CFAP61: variants seen among roughly 807,000 people sequenced by gnomAD.
The protein encoded by CFAP61 is cilia and flagella associated protein 61.
A neutral mutation model predicts 135.6 loss-of-function variants in CFAP61; 107 were observed. The observed-to-expected ratio is 0.79, with a 90% confidence interval of 0.67 to 0.93. The LOEUF (loss-of-function observed/expected upper bound fraction) is 0.93. CFAP61 is among the 40% of genes least tolerant of loss of function. The pLI is 0.00. For synonymous variants in CFAP61, 575 were observed against 578.5 expected, an observed-to-expected ratio of 0.99 and a Z score of 0.09; for missense variants, 1,507 against 1,556.2, an observed-to-expected ratio of 0.97 and a Z score of 0.53.
intron 13 of CFAP61, among the ~76,000 whole-genome samples, chr20:20,169,708 T>C (rs1019531492): frequency 1.3e-5 from 2 of 152,174 alleles, no homozygotes; most frequent in Non-Finnish European, 2.9e-5. Flanking sequence ...TGTTGACAGA[T>C]TCTGTAGGCA....
chr20:20,187,405 C>T lies in CFAP61; in HGVS notation c.1386-525C>T, dbSNP rs143210984. The stretch of plus-strand genomic sequence containing the variant: ...TCACACGTGAGCAGAGGCTCCAAGG[C>T]CCCTGACGTGCTCCATTGTGTCACT... On this transcript the variant is annotated intron_variant, in intron 13 of 26. Coordinates refer to ENST00000245957, the MANE Select transcript of CFAP61 (RefSeq NM_015585.4). Among the ~76,000 whole-genome samples, 849 of 152,298 alleles carry T rather than the reference C, an allele frequency of 5.6e-3. 11 individuals carry two copies. Among genetic ancestry groups the T allele is most frequent in the African/African-American group, 0.019 (772 of 41,568 alleles).
At chr20:20,099,127 T>TCACACACA (rs11087302) in intron 8 of CFAP61, among the ~76,000 whole-genome samples, 17,478 of 149,330 alleles carry the variant, frequency 0.12, 1,849 homozygotes, top group East Asian at 0.61. Context: ...GTTTCAGGTT[T>TCACACACA]CACACACACA....
chr20:20,166,203 T>G (rs2053815181), intron 11 of CFAP61, among the ~76,000 whole-genome samples, 194 bp from the exon 12 acceptor site: 1 of 152,238 alleles, frequency 6.6e-6, no homozygotes, highest in South Asian at 2.1e-4. Context: ...GTGCCTTCAG[T>G]TCTGCAGAAT....
At position 20,084,883 on chromosome 20, in the gene CFAP61, A is replaced by G. The variant is rs114921836; in HGVS notation, c.567-5961A>G. Among the ~76,000 whole-genome samples the G allele has an allele frequency of 6.6e-3, 1,006 of 152,260 alleles. 13 individuals are homozygous for G. Among genetic ancestry groups the G allele is most frequent in the African/African-American group, 0.023 (944 of 41,542 alleles). ...TGTGTTCAACTCCATTTCACATGGC[A>G]CAGTTTTCAGAGTCTGATGGAAATC... is the stretch of plus-strand genomic sequence containing the variant. On this transcript the variant is annotated intron_variant, in intron 6 of 26. Coordinates refer to ENST00000245957, the MANE Select transcript of CFAP61 (RefSeq NM_015585.4).
At chr20:20,084,401 CCTGCTGCTGCTGCTGCTGCTGCTG>C (rs3060422) in intron 6 of CFAP61, among the ~76,000 whole-genome samples, 5 of 150,690 alleles carry the variant, frequency 3.3e-5, no homozygotes, top group African/African-American at 1.2e-4. Flanking sequence ...GCGGAGGTGG[CCTGCTGCTGCTGCTGCTGCTGCTG>C]CTGCTGCTGC....
In CFAP61 at chr20:20,052,554, CA is replaced by C. The variant is rs777682651; in HGVS notation, c.-73del. On this transcript the variant is annotated 5_prime_UTR_variant, in exon 1 of 27. Coordinates refer to ENST00000245957, the MANE Select transcript of CFAP61 (RefSeq NM_015585.4). ...ACCAGGCTGCGCGTCCTCCTTGCGG[CA>C]GCGCGTGGAGTGCGGCGTCCTGGAG... The C allele has an allele frequency of 1.6e-5, 26 of 1,614,050 alleles. No individual in the cohort carries two copies. The highest frequency in any genetic ancestry group is 2.2e-5 in the Non-Finnish European group (26 of 1,180,034).
intron 21 of CFAP61, among the ~76,000 whole-genome samples, chr20:20,275,309 G>A (rs1380614071): frequency 1.3e-5 from 2 of 152,094 alleles, no homozygotes; most frequent in Non-Finnish European, 2.9e-5. Flanking sequence ...GTTTTGACGT[G>A]GTTTGCTATG....
At position 20,098,664 on chromosome 20, in the gene CFAP61, A is replaced by G. The variant is rs776099398; in HGVS notation, c.709A>G (p.Thr237Ala). The G allele has an allele frequency of 1.3e-6, 2 of 1,594,828 alleles. No individual in the cohort carries two copies. Among genetic ancestry groups the G allele is most frequent in the East Asian group, 2.2e-5 (1 of 44,584 alleles). Residue 237 changes from threonine (T) to alanine (A), a missense_variant, in exon 8 of 27, where the codon ACA becomes GCA. Coordinates refer to ENST00000245957, the MANE Select transcript of CFAP61 (RefSeq NM_015585.4). ...NHAVVCEVEG[T>A]AVGFMSVCSR... ...GTTTTGGATATTTCAGGTGGAAGGC[A>G]CAGCTGTTGGGTTCATGAGTGTGTG... is the stretch of plus-strand genomic sequence containing the variant.
chr20:20,327,901 G>A (rs1239092176), intron 25 of CFAP61, among the ~76,000 whole-genome samples: 1 of 150,316 alleles, frequency 6.7e-6, no homozygotes, highest in Non-Finnish European at 1.5e-5. Context: ...TGAGTAACAT[G>A]AATTGCTGGG....
chr20:20,075,404 T>G lies in CFAP61; in HGVS notation c.440-85T>G. 4.6e-6 allele frequency: 7 copies of G among 1,524,880 alleles called. No homozygotes were observed. The South Asian group carries it at 7.9e-5, about 17-fold the overall frequency. 94.5% of individuals were successfully genotyped at this position (1,524,880 alleles called of 1,614,324 possible). On this transcript the variant is annotated intron_variant, in intron 5 of 26. Coordinates refer to ENST00000245957, the MANE Select transcript of CFAP61 (RefSeq NM_015585.4). ...TTTTATTAGAACAATTAAGCACAAT[T>G]TAGAATGGAAACTACATTTTGTTCT...
chr20:20,208,786 G>A (rs1302333140), intron 17 of CFAP61, among the ~76,000 whole-genome samples: 1 of 152,204 alleles, frequency 6.6e-6, no homozygotes, highest in African/African-American at 2.4e-5. Context: ...GGGTCAGCAG[G>A]TTCTGCCCGT....
At chr20:20,320,107 A>C (rs559843107) in intron 25 of CFAP61, among the ~76,000 whole-genome samples, 2 of 151,574 alleles carry the variant, frequency 1.3e-5, no homozygotes, top group Non-Finnish European at 2.9e-5. Context: ...TCAACAAATA[A>C]ATTGCAAGAA....
At chr20:20,166,333 TA>T in intron 11 of CFAP61, 63 bp from the exon 12 acceptor site, 1 of 1,377,054 alleles carries the variant, frequency 7.3e-7, no homozygotes, top group Non-Finnish European at 1.0e-6. Flanking sequence ...TAAATCTCTG[TA>T]AACGTCCACT....
intron 14 of CFAP61, among the ~76,000 whole-genome samples, chr20:20,191,114 A>C (rs1475374378): frequency 6.6e-6 from 1 of 151,754 alleles, no homozygotes; most frequent in African/African-American, 2.4e-5. Context: ...ACTCCATCTC[A>C]AAAAAAATAA....
chr20:20,195,852 G>A (rs1473679190), intron 15 of CFAP61, among the ~76,000 whole-genome samples: 1 of 152,154 alleles, frequency 6.6e-6, no homozygotes, highest in African/African-American at 2.4e-5. Context: ...GCCGAGACAG[G>A]CAGATCACTT....
chr20:20,137,628 G>A (rs1470078402), intron 8 of CFAP61, among the ~76,000 whole-genome samples: 1 of 152,064 alleles, frequency 6.6e-6, no homozygotes, highest in Non-Finnish European at 1.5e-5. Flanking sequence ...TCAGGCCTGG[G>A]ACTCATCCTT....
At chr20:20,124,347 C>T (rs1230871242) in intron 8 of CFAP61, among the ~76,000 whole-genome samples, 2 of 151,636 alleles carry the variant, frequency 1.3e-5, no homozygotes, top group African/African-American at 4.9e-5. Flanking sequence ...TCAACTTTTC[C>T]CCATTCAATA....
At chr20:20,064,034 C>CA (rs1568808875) in intron 2 of CFAP61, among the ~76,000 whole-genome samples, 1 of 122,490 alleles carries the variant, frequency 8.2e-6, no homozygotes, top group East Asian at 2.6e-4. Flanking sequence ...ATAGAGTAAC[C>CA]GCCCCCCACC....
rs1163352814 is a variant in CFAP61 at position 20,359,306 on chromosome 20, T to TCATA, written c.3514-903_3514-900dup. On this transcript the variant is annotated intron_variant, in intron 26 of 26. Coordinates refer to ENST00000245957, the MANE Select transcript of CFAP61 (RefSeq NM_015585.4). The surrounding 1 kb of genome is among the most constrained non-coding windows in gnomAD (Gnocchi z 4.0). ...TGGGAATTATAAGCAAGAAAACTTT[T>TCATA]CATATAGGACCTTTCAAGTAAAAAG... Among the ~76,000 whole-genome samples the TCATA allele has an allele frequency of 6.6e-6, 1 of 152,238 alleles. No homozygotes were observed. Among genetic ancestry groups the TCATA allele is most frequent in the Non-Finnish European group, 1.5e-5 (1 of 68,038 alleles).
Sources: gnomAD v4.1 joint callset for allele counts (sites outside exome capture counted in the v4.1 genomes callset) on GRCh38, gnomAD v4.1.1 for gene constraint, Gnocchi (gnomAD v3.1) non-coding constraint, MANE v1.5 for transcripts, NCBI Gene and HGNC (gene_info 2026-07-23, HGNC 2026-07-21) for gene names.